GRHL2: variants seen among roughly 807,000 people sequenced by gnomAD.
GRHL2 encodes grainyhead like transcription factor 2, also known as grainyhead-like protein 2 homolog.
GRHL2 carries 21 observed loss-of-function variants against 83.8 expected under a neutral mutation model. That is an observed-to-expected ratio of 0.25 (90% CI 0.18 to 0.36). The LOEUF is 0.36. Among genes scored for constraint, GRHL2 ranks in the 10% least tolerant of loss-of-function variants. The pLI, the probability that GRHL2 is intolerant of heterozygous loss-of-function variation, is 1.00. For synonymous variants in GRHL2, 280 were observed against 278.9 expected (o/e 1.00, Z -0.04); for missense variants, 623 against 781.8 (o/e 0.80, Z 2.42).
intron 3 of GRHL2, 65 bp from the exon 4 acceptor site, chr8:101,558,354 T>C: frequency 1.3e-6 from 2 of 1,564,548 alleles, no homozygotes; most frequent in South Asian, 2.2e-5. Context: ...TTGGTTATTC[T>C]ATTAGGCGTT....
intron 1 of GRHL2, among the ~76,000 whole-genome samples, chr8:101,498,804 G>C (rs1158706142): frequency 6.6e-6 from 1 of 152,260 alleles, no homozygotes; most frequent in Admixed American, 6.5e-5. Flanking sequence ...AGCCGGGCGT[G>C]GTGGCTCATG....
chr8:101,565,834 A>T (rs1000853238), intron 4 of GRHL2, among the ~76,000 whole-genome samples: 1 of 152,210 alleles, frequency 6.6e-6, no homozygotes, highest in Non-Finnish European at 1.5e-5. Context: ...TGTGTATTTC[A>T]TAACTCAACT....
At chr8:101,557,658 G>A (rs1037431911) in intron 3 of GRHL2, among the ~76,000 whole-genome samples, 5 of 152,044 alleles carry the variant, frequency 3.3e-5, no homozygotes, top group Admixed American at 2.0e-4. Flanking sequence ...TGATTTTTAT[G>A]ACTTTTAAGT....
intron 15 of GRHL2, 68 bp downstream of exon 15, chr8:101,664,586 AATG>A (rs1436012258): frequency 8.8e-7 from 1 of 1,136,918 alleles, no homozygotes; most frequent in Non-Finnish European, 1.3e-6. Flanking sequence ...TTAAAAATAA[AATG>A]ATGCCTGTCT....
intron 1 of GRHL2, among the ~76,000 whole-genome samples, chr8:101,533,093 C>T (rs1810972718): frequency 6.6e-6 from 1 of 152,004 alleles, no homozygotes; most frequent in Non-Finnish European, 1.5e-5. Context: ...TGTAAATATC[C>T]TTGGTTTCCT....
chr8:101,568,346 G>A (rs1489436046), intron 4 of GRHL2, among the ~76,000 whole-genome samples: 2 of 152,206 alleles, frequency 1.3e-5, no homozygotes, highest in Non-Finnish European at 2.9e-5. Flanking sequence ...CATCGTTTTT[G>A]TCTTGACTCA....
At chr8:101,670,951 G>A (rs995189360), downstream of GRHL2, among the ~76,000 whole-genome samples, 9 of 152,166 alleles carry the variant, frequency 5.9e-5, no homozygotes, top group African/African-American at 2.2e-4. Flanking sequence ...TGGAAACTTT[G>A]GGGACTCAGG....
chr8:101,657,100 G>T (rs1273844161), intron 14 of GRHL2, among the ~76,000 whole-genome samples: 1 of 152,204 alleles, frequency 6.6e-6, no homozygotes, highest in East Asian at 1.9e-4. Context: ...GCGATTCATG[G>T]ATCATACCTG....
rs1586115784 is a variant in GRHL2, at chr8:101,581,077, C to CT, written c.1003+3560dup. 2.0e-5 allele frequency among the ~76,000 whole-genome samples: 3 copies of CT among 152,344 alleles called. No homozygotes were observed. The East Asian group carries it at 5.8e-4, about 29-fold the overall frequency. On this transcript the variant is annotated intron_variant, in intron 7 of 15. Coordinates refer to ENST00000646743, the MANE Select transcript of GRHL2 (RefSeq NM_024915.4). ...TTTGTATTCCAGCCTCTAGCCAGTTCTTGGCACCCACCAGGCCCTGTCTAC... is the reference window on the plus strand; with the variant it reads ...TTTGTATTCCAGCCTCTAGCCAGTTCTTTGGCACCCACCAGGCCCTGTCTAC...
At chr8:101,529,526 C>A in intron 1 of GRHL2, 2 of 219,420 alleles carry the variant, frequency 9.1e-6, no homozygotes, top group Non-Finnish European at 1.9e-5. Context: ...TGCTTTAGTT[C>A]AGCAATCTTC....
chr8:101,643,168 G>T lies in GRHL2; in HGVS notation c.1518-963G>T, dbSNP rs181757410. Among the ~76,000 whole-genome samples the T allele has an allele frequency of 9.2e-4, 140 of 151,978 alleles. 1 individual carries two copies. The highest frequency in any genetic ancestry group is 3.2e-3 in the African/African-American group (134 of 41,456). ...TAAAATCCCTCATGTCATATTTTTGGGATTTCAACATTCAGGATCATGGCA... is the reference window on the plus strand; with the variant it reads ...TAAAATCCCTCATGTCATATTTTTGTGATTTCAACATTCAGGATCATGGCA... On this transcript the variant is annotated intron_variant, in intron 12 of 15. Transcript: ENST00000646743.
intron 1 of GRHL2, among the ~76,000 whole-genome samples, chr8:101,527,883 A>C (rs1182083783): frequency 6.6e-6 from 1 of 152,222 alleles, no homozygotes; most frequent in Non-Finnish European, 1.5e-5. Flanking sequence ...GATATGGATG[A>C]GAAGTTTATT....
intron 10 of GRHL2, 152 bp downstream of exon 10, chr8:101,631,876 T>C (rs756625959): frequency 2.2e-4 from 162 of 732,160 alleles, no homozygotes; most frequent in Non-Finnish European, 2.8e-4. Context: ...GGGTGATTGA[T>C]TATCCCTGTG....
intron 9 of GRHL2, among the ~76,000 whole-genome samples, 180 bp downstream of exon 9, chr8:101,619,877 T>C (rs1812929479): frequency 7.0e-6 from 1 of 143,312 alleles, no homozygotes; most frequent in African/African-American, 2.7e-5. Context: ...AAGTCTTCAG[T>C]CAACTATTTT....
chr8:101,565,785 GAGA>G (rs1811705401), intron 4 of GRHL2, among the ~76,000 whole-genome samples: 1 of 152,202 alleles, frequency 6.6e-6, no homozygotes, highest in South Asian at 2.1e-4. Flanking sequence ...CTCAGGAATT[GAGA>G]AGAACTATTT....
chr8:101,669,583 T>C lies in GRHL2; in HGVS notation c.*2880T>C, dbSNP rs1042518965. On this transcript the variant is annotated 3_prime_UTR_variant, in exon 16 of 16. Coordinates refer to ENST00000646743, the MANE Select transcript of GRHL2 (RefSeq NM_024915.4). ...AGATTGATATATGTACAATTTGCTC[T>C]CATGTTTTAAAAAAAAAAAGGTAAA... is the stretch of plus-strand genomic sequence containing the variant. The C allele has an allele frequency of 7.1e-6, 1 of 141,652 alleles. No individual in the cohort carries two copies. The highest frequency in any genetic ancestry group is 1.5e-5 in the Non-Finnish European group (1 of 64,548). The allele number at this position is 141,652 out of a possible 1,614,324, so 8.8% of individuals were successfully genotyped here.
intron 1 of GRHL2, among the ~76,000 whole-genome samples, chr8:101,542,163 T>C (rs1388734949): frequency 6.6e-6 from 1 of 152,226 alleles, no homozygotes; most frequent in Non-Finnish European, 1.5e-5. Context: ...GATAAAACAG[T>C]TTTCAATAAT....
chr8:101,676,325 A>AGG, the GRHL2 span, among the ~76,000 whole-genome samples: 1 of 151,764 alleles, frequency 6.6e-6, no homozygotes, highest in African/African-American at 2.4e-5. Context: ...ACAAAGGGCT[A>AGG]ATATCCAGAA....
intron 8 of GRHL2, among the ~76,000 whole-genome samples, chr8:101,617,355 T>C (rs1248812213): frequency 2.0e-5 from 3 of 152,086 alleles, no homozygotes; most frequent in Non-Finnish European, 4.4e-5. Flanking sequence ...TCAGTGCCAG[T>C]TGAGGAGCTC....
Sources: allele counts gnomAD v4.1 joint callset (sites outside exome capture counted in the v4.1 genomes callset), GRCh38; gene constraint gnomAD v4.1.1; transcripts MANE v1.5; gene names NCBI Gene and HGNC (gene_info 2026-07-23, HGNC 2026-07-21).